The following MATN2 variants were observed in gnomAD, a reference collection of about 807,000 sequenced individuals.
MATN2 encodes matrilin 2.
A neutral mutation model predicts 103.2 loss-of-function variants in MATN2; 69 were observed. The observed-to-expected ratio is 0.67, with a 90% CI of 0.55 to 0.82. The LOEUF (loss-of-function observed/expected upper bound fraction) is 0.82, where lower values mean the gene tolerates loss of function less well. Among genes scored for constraint, MATN2 ranks in the 40% least tolerant of loss-of-function variants. The pLI is 0.00. For missense variants in MATN2, 1,023 were observed against 1,211.5 expected (o/e 0.84, Z 2.31); for synonymous variants, 429 against 450.2 (o/e 0.95, Z 0.60).
chr8:97,915,658 A>T (rs181825740), intron 2 of MATN2, among the ~76,000 whole-genome samples: 1 of 152,206 alleles, frequency 6.6e-6, no homozygotes, highest in African/African-American at 2.4e-5. Context: ...ATTTATTCAC[A>T]GGTCTCTGCT....
rs748262332 is a variant in MATN2 at position 98,025,709 on chromosome 8, G to A, written c.1943-1707G>A. 2.1e-4 allele frequency: 91 copies of A among 424,802 alleles called. 1 individual carries two copies. Among genetic ancestry groups the A allele is most frequent in the Non-Finnish European group, 1.0e-4 (22 of 213,686 alleles). 26.3% of individuals were successfully genotyped at this position (424,802 alleles called of 1,614,324 possible). Reference sequence around the variant, plus strand: ...TGCAGTAAGCCAAGATCGCGCCATTGTACTCCAGCCTGGGCGACACAGCAA... The same window carrying A: ...TGCAGTAAGCCAAGATCGCGCCATTATACTCCAGCCTGGGCGACACAGCAA... On this transcript the variant is annotated intron_variant, in intron 13 of 18. Transcript: ENST00000254898.
intron 10 of MATN2, among the ~76,000 whole-genome samples, chr8:98,008,631 C>T (rs1405769547): frequency 6.6e-6 from 1 of 152,136 alleles, no homozygotes; most frequent in African/African-American, 2.4e-5. Context: ...TTCGGTGGCT[C>T]CCTGCCCAGC....
intron 2 of MATN2, among the ~76,000 whole-genome samples, chr8:97,904,477 G>A (rs1251728844): frequency 6.6e-6 from 1 of 152,170 alleles, no homozygotes; most frequent in Non-Finnish European, 1.5e-5. Flanking sequence ...AGGTCACAAA[G>A]TTCTTAGGAA....
chr8:97,923,535 T>TTCTCTC (rs35773325), intron 2 of MATN2, among the ~76,000 whole-genome samples: 2 of 148,454 alleles, frequency 1.3e-5, no homozygotes, highest in Non-Finnish European at 3.0e-5. Flanking sequence ...AGCCACTCAC[T>TTCTCTC]TCTCTCTCTC....
chr8:98,033,102 AAC>A lies in MATN2; in HGVS notation c.2646_2647del (p.His882GlnfsTer5). On this transcript the variant is annotated frameshift_variant, in exon 17 of 19. Transcript: ENST00000254898. LOFTEE classifies it high-confidence loss of function. ...CTTTCCTGTTCTAATTTTGCAGTGC[AAC>A]ACAGATATCTGTTTGAAGAAGACAA... 1 of 1,612,172 alleles carries A rather than the reference AAC, an allele frequency of 6.2e-7. No homozygotes were observed. Among genetic ancestry groups the A allele is most frequent in the Non-Finnish European group, 8.5e-7 (1 of 1,179,058 alleles).
At chr8:97,896,331 A>G (rs1818804479) in intron 2 of MATN2, among the ~76,000 whole-genome samples, 1 of 152,234 alleles carries the variant, frequency 6.6e-6, no homozygotes, top group Admixed American at 6.5e-5. Flanking sequence ...GATGTCACCA[A>G]TTCCCCTGAC....
chr8:97,974,804 A>G lies in MATN2; in HGVS notation c.959-4082A>G, dbSNP rs533175310. On this transcript the variant is annotated intron_variant, in intron 5 of 18. Transcript: ENST00000254898. ...AATAACATGTACAAATGACACATACAGGTTTGGAAACAAAAGCAACCTTGA... is the reference window on the plus strand; with the variant it reads ...AATAACATGTACAAATGACACATACGGGTTTGGAAACAAAAGCAACCTTGA... Among the ~76,000 whole-genome samples, 7 of 152,342 alleles carry G rather than the reference A, an allele frequency of 4.6e-5. No homozygotes were observed. In the East Asian group the frequency reaches 1.2e-3, roughly 25 times the overall value.
At chr8:98,021,140 A>C (rs746859677) in intron 12 of MATN2, 65 bp from the exon 13 acceptor site, 1 of 1,512,544 alleles carries the variant, frequency 6.6e-7, no homozygotes, top group East Asian at 2.3e-5. Context: ...CTCTACTCAC[A>C]TGACTATTCA....
chr8:97,952,831 C>T (rs1586084246), intron 4 of MATN2, among the ~76,000 whole-genome samples: 1 of 151,200 alleles, frequency 6.6e-6, no homozygotes, highest in African/African-American at 2.4e-5. Context: ...TGCTGTATCA[C>T]TTCAATTTAG....
intron 18 of MATN2, among the ~76,000 whole-genome samples, chr8:98,034,545 C>T (rs1420292918): frequency 6.6e-6 from 1 of 152,084 alleles, no homozygotes; most frequent in African/African-American, 2.4e-5. Context: ...GGTTAATTGA[C>T]GAATATGGGC....
chr8:98,004,871 G>A (rs1365635110), intron 8 of MATN2, among the ~76,000 whole-genome samples: 2 of 152,206 alleles, frequency 1.3e-5, no homozygotes, highest in Admixed American at 6.5e-5. Flanking sequence ...GGTTTTTTAT[G>A]AGGCACCATC....
chr8:97,956,031 TCAAGGG>T (rs1238673152), intron 4 of MATN2, among the ~76,000 whole-genome samples: 2 of 152,140 alleles, frequency 1.3e-5, no homozygotes, highest in Admixed American at 6.5e-5. Flanking sequence ...AGGAGAGAAT[TCAAGGG>T]CAAGCAGAGG....
rs367888514 is a variant in MATN2 at position 98,026,256 on chromosome 8, G to GTT, written c.1943-1147_1943-1146dup. 2.0e-3 allele frequency among the ~76,000 whole-genome samples: 252 copies of GTT among 124,812 alleles called. 4 individuals are homozygous for GTT. Among genetic ancestry groups the GTT allele is most frequent in the African/African-American group, 5.6e-3 (194 of 34,346 alleles). 81.9% of individuals were successfully genotyped at this position (124,812 alleles called of 152,430 possible). ...TGGTGATAACTTTTTTTTTAATTTT[G>GTT]TTTTTTTTTTTTTTACGGAGAGATG... On this transcript the variant is annotated intron_variant, in intron 13 of 18. Coordinates refer to ENST00000254898, the MANE Select transcript of MATN2 (RefSeq NM_002380.5).
At chr8:97,906,905 C>T (rs1053375999) in intron 2 of MATN2, among the ~76,000 whole-genome samples, 1 of 151,998 alleles carries the variant, frequency 6.6e-6, no homozygotes, top group African/African-American at 2.4e-5. Flanking sequence ...CCTCTTGAGT[C>T]TCATCGCCCA....
At position 97,913,432 on chromosome 8, in the gene MATN2, A is replaced by G. The variant is rs574833548; in HGVS notation, c.143-17521A>G. On this transcript the variant is annotated intron_variant, in intron 2 of 18. Coordinates refer to ENST00000254898, the MANE Select transcript of MATN2 (RefSeq NM_002380.5). ...CGGGTTCAAGTGATTCTCTTGCCTC[A>G]GCCTCCCAAGTAGCTGGGATTACAG... Among the ~76,000 whole-genome samples the G allele has an allele frequency of 6.2e-4, 93 of 150,066 alleles. No individual in the cohort carries two copies. In the South Asian group the frequency reaches 0.019, roughly 30 times the overall value.
At chr8:98,016,283 G>T (rs1036990421) in intron 10 of MATN2, among the ~76,000 whole-genome samples, 2 of 152,266 alleles carry the variant, frequency 1.3e-5, no homozygotes, top group African/African-American at 4.8e-5. Context: ...TGAGATGGGA[G>T]GATCACTTGA....
chr8:98,012,954 C>T (rs1813222189), intron 10 of MATN2, among the ~76,000 whole-genome samples: 1 of 152,166 alleles, frequency 6.6e-6, no homozygotes, highest in East Asian at 1.9e-4. Context: ...AAGGATATTG[C>T]CTGGCTCAGA....
At chr8:98,008,137 T>G (rs1802270512) in intron 10 of MATN2, among the ~76,000 whole-genome samples, 1 of 152,112 alleles carries the variant, frequency 6.6e-6, no homozygotes, top group South Asian at 2.1e-4. Context: ...TTGCCCTGCT[T>G]TCTGACCCCG....
At chr8:97,905,310 T>C (rs1819130517) in intron 2 of MATN2, among the ~76,000 whole-genome samples, 1 of 152,218 alleles carries the variant, frequency 6.6e-6, no homozygotes, top group African/African-American at 2.4e-5. Context: ...CAATGTTGTG[T>C]AACCATCACC....
Sources: allele counts gnomAD v4.1 joint callset (sites outside exome capture counted in the v4.1 genomes callset), GRCh38; gene constraint gnomAD v4.1.1; transcripts MANE v1.5; gene names NCBI Gene and HGNC (gene_info 2026-07-23, HGNC 2026-07-21).